ZNG1E: variants seen among roughly 807,000 people sequenced by gnomAD.
ZNG1E encodes the protein Zn regulated GTPase metalloprotein activator 1E, also known as zinc-regulated GTPase metalloprotein activator 1E.
the ZNG1E span, among the ~76,000 whole-genome samples, chr9:65,722,652 T>C: frequency 2.3e-5 from 2 of 87,594 alleles, no homozygotes; most frequent in Non-Finnish European, 4.3e-5. Context: ...TGCCTCAGCC[T>C]CCTGAGTAGC....
the ZNG1E span, among the ~76,000 whole-genome samples, chr9:65,666,965 A>C: frequency 5.9e-5 from 9 of 151,736 alleles, no homozygotes; most frequent in Non-Finnish European, 1.3e-4. Flanking sequence ...GGATTACAGG[A>C]GTGTGCTATC....
At chr9:65,685,357 C>T in the ZNG1E span, among the ~76,000 whole-genome samples, 2 of 152,214 alleles carry the variant, frequency 1.3e-5, no homozygotes, top group Non-Finnish European at 2.9e-5. Context: ...GTCTCTATAG[C>T]ACATGATGCT....
At chr9:65,727,360 G>C in the ZNG1E span, among the ~76,000 whole-genome samples, 1 of 146,340 alleles carries the variant, frequency 6.8e-6, no homozygotes, top group Non-Finnish European at 1.5e-5. Flanking sequence ...AAGGTATACA[G>C]GCAACAAATA....
At chr9:65,672,510 C>T in the ZNG1E span, among the ~76,000 whole-genome samples, 3 of 150,868 alleles carry the variant, frequency 2.0e-5, no homozygotes, top group Non-Finnish European at 1.5e-5. Context: ...CTTTAGGAGG[C>T]TAAGGTGGAT....
the ZNG1E span, among the ~76,000 whole-genome samples, chr9:65,666,832 C>G: frequency 6.7e-6 from 1 of 149,880 alleles, no homozygotes; most frequent in Non-Finnish European, 1.5e-5. Flanking sequence ...TTTTTTTTTT[C>G]CTTTGGAGAT....
chr9:65,662,515 A>T, the ZNG1E span, among the ~76,000 whole-genome samples: 1 of 151,874 alleles, frequency 6.6e-6, no homozygotes, highest in Non-Finnish European at 1.5e-5. Flanking sequence ...GTATATGGGA[A>T]CCTCTACTAT....
chr9:65,732,749 T>G, the ZNG1E span: 15 of 1,388,746 alleles, frequency 1.1e-5, no homozygotes, highest in East Asian at 4.0e-4. Flanking sequence ...ATGTATTAAC[T>G]TTATCATTAG....
At chr9:65,673,566 G>A in the ZNG1E span, among the ~76,000 whole-genome samples, 2 of 152,204 alleles carry the variant, frequency 1.3e-5, no homozygotes, top group South Asian at 2.1e-4. Context: ...GGCCTCATAG[G>A]TTACAGGTTG....
At chr9:65,709,971 C>G in the ZNG1E span, among the ~76,000 whole-genome samples, 2 of 150,614 alleles carry the variant, frequency 1.3e-5, no homozygotes, top group Non-Finnish European at 2.9e-5. Context: ...GTCCCGCCAA[C>G]AGTGTAAAAG....
chr9:65,671,600 A>G, the ZNG1E span, among the ~76,000 whole-genome samples: 4 of 152,236 alleles, frequency 2.6e-5, no homozygotes, highest in South Asian at 4.1e-4. Flanking sequence ...GATTACAGGC[A>G]TGAGCCACTG....
the ZNG1E span, among the ~76,000 whole-genome samples, chr9:65,681,287 C>A: frequency 2.6e-5 from 4 of 152,162 alleles, no homozygotes; most frequent in African/African-American, 9.6e-5. Context: ...GAAAAAAATG[C>A]CTTCATTAAG....
At chr9:65,726,527 C>A in the ZNG1E span, among the ~76,000 whole-genome samples, 3 of 40,706 alleles carry the variant, frequency 7.4e-5, no homozygotes, top group African/African-American at 7.5e-5. Context: ...GAGAAATATT[C>A]AATGAACTAG....
chr9:65,727,657 G>A, the ZNG1E span, among the ~76,000 whole-genome samples: 1 of 123,440 alleles, frequency 8.1e-6, no homozygotes, highest in Non-Finnish European at 1.6e-5. Flanking sequence ...AAGACAAAGA[G>A]GGACATTATA....
chr9:65,657,799 G>T, the ZNG1E span, among the ~76,000 whole-genome samples: 2 of 152,410 alleles, frequency 1.3e-5, no homozygotes, highest in African/African-American at 4.8e-5. Flanking sequence ...ATCACACATT[G>T]TATACTTGCA....
the ZNG1E span, among the ~76,000 whole-genome samples, chr9:65,668,462 G>A: frequency 8.0e-5 from 12 of 150,136 alleles, no homozygotes; most frequent in African/African-American, 2.9e-4. Flanking sequence ...ATACATTCAG[G>A]TATAATACAT....
At chr9:65,661,775 A>G in the ZNG1E span, among the ~76,000 whole-genome samples, 7 of 152,324 alleles carry the variant, frequency 4.6e-5, no homozygotes, top group South Asian at 1.5e-3. Flanking sequence ...TTAATTGTAC[A>G]CAGACACAAA....
chr9:65,685,118 C>T, the ZNG1E span, among the ~76,000 whole-genome samples: 5 of 150,790 alleles, frequency 3.3e-5, no homozygotes, highest in African/African-American at 9.8e-5. Flanking sequence ...ATAGAATTGT[C>T]TAAAAAACAT....
chr9:65,674,644 AATTG>A, the ZNG1E span, among the ~76,000 whole-genome samples: 1 of 152,130 alleles, frequency 6.6e-6, no homozygotes, highest in African/African-American at 2.4e-5. Context: ...TTTTGTACTC[AATTG>A]ATTGGTGAAA....
chr9:65,656,715 G>A, the ZNG1E span, among the ~76,000 whole-genome samples: 1 of 152,288 alleles, frequency 6.6e-6, no homozygotes, highest in African/African-American at 2.4e-5. Flanking sequence ...TATAAATGAA[G>A]GGGTAGTGAA....
Sources: allele counts gnomAD v4.1 joint callset (sites outside exome capture counted in the v4.1 genomes callset), GRCh38; gene constraint gnomAD v4.1.1; transcripts MANE v1.5; gene names NCBI Gene and HGNC (gene_info 2026-07-23, HGNC 2026-07-21).